The following SRI variants were observed in gnomAD, a reference collection of about 807,000 sequenced individuals.
SRI encodes 22 kDa protein.
In SRI, 30 loss-of-function variants were observed where a neutral mutation model predicts 33.3. That is an observed-to-expected ratio of 0.90 (90% CI 0.67 to 1.22). The LOEUF is 1.22. SRI is among the 50% of genes most tolerant of loss of function. The pLI is 0.00. For missense variants in SRI, 243 were observed against 250.8 expected (o/e 0.97, Z 0.21); for synonymous variants, 75 against 89.9 (o/e 0.83, Z 0.94).
Position 88,205,448 on chromosome 7 carries a change from A to T in SRI, c.*1030T>A, listed in dbSNP as rs1851420113. On this transcript the variant is annotated 3_prime_UTR_variant, in exon 8 of 8. Transcript: ENST00000265729. ...ACCAAACCACATAGTAAGAGGCACA[A>T]GCCAGCATTAGAATTCAGATCTTAC... 1 of 152,234 alleles carries T rather than the reference A, an allele frequency of 6.6e-6. No individual in the cohort carries two copies. The highest frequency in any genetic ancestry group is 1.9e-4 in the East Asian group (1 of 5,200). The allele number at this position is 152,234 out of a possible 1,614,324, so 9.4% of individuals were successfully genotyped here.
upstream of SRI, among the ~76,000 whole-genome samples, chr7:88,224,953 G>C (rs76354035): frequency 0.15 from 22,611 of 152,268 alleles, 1,925 homozygotes; most frequent in Non-Finnish European, 0.2. Flanking sequence ...TGGAATAGCT[G>C]TGTGGCTAGT....
chr7:88,215,061 T>A, intron 3 of SRI: 1 of 399,220 alleles, frequency 2.5e-6, no homozygotes, highest in Non-Finnish European at 5.0e-6. Context: ...GCCCATAGGC[T>A]CTGAGCTGGA....
chr7:88,219,873 A>G (rs1264631294), intron 1 of SRI, 103 bp downstream of exon 1: 5 of 1,390,700 alleles, frequency 3.6e-6, no homozygotes, highest in South Asian at 2.6e-5. Context: ...GAGCCCGGGT[A>G]GCCGCCCAGC....
At chr7:88,224,280 G>A (rs750054273), upstream of SRI, among the ~76,000 whole-genome samples, 7 of 152,210 alleles carry the variant, frequency 4.6e-5, no homozygotes, top group Non-Finnish European at 1.0e-4. Flanking sequence ...CTGGAGAAAA[G>A]TTAATATAAA....
At chr7:88,212,450 T>C (rs73397630) in intron 3 of SRI, among the ~76,000 whole-genome samples, 7,210 of 152,298 alleles carry the variant, frequency 0.047, 593 homozygotes, top group African/African-American at 0.16. Flanking sequence ...TGTGCTTATC[T>C]GAATCAAAGC....
chr7:88,215,443 T>C (rs1036060776), intron 3 of SRI, among the ~76,000 whole-genome samples: 6 of 152,230 alleles, frequency 3.9e-5, no homozygotes, highest in African/African-American at 1.4e-4. Flanking sequence ...CTCACTGCAC[T>C]TTGATAAACC....
At chr7:88,219,537 G>GTTT (rs529955240) in intron 1 of SRI, 97 of 185,684 alleles carry the variant, frequency 5.2e-4, no homozygotes, top group African/African-American at 2.4e-3. Context: ...CTTCTCACTC[G>GTTT]TTTTTTGTTT....
chr7:88,222,306 A>G (rs936399773), upstream of SRI, among the ~76,000 whole-genome samples: 1 of 148,372 alleles, frequency 6.7e-6, no homozygotes, highest in Admixed American at 6.7e-5. Flanking sequence ...TCCCACCAAC[A>G]GTGTAAAAGT....
chr7:88,226,929 TTA>T, exon 1 of SRI: 1 of 1,613,714 alleles, frequency 6.2e-7, no homozygotes, highest in South Asian at 1.1e-5. Flanking sequence ...AGTTGAAGTC[TTA>T]TAGGTAGAAG....
intron 4 of SRI, 94 bp from the exon 5 acceptor site, chr7:88,210,224 C>T (rs781464511): frequency 3.0e-4 from 406 of 1,348,508 alleles, no homozygotes; most frequent in Non-Finnish European, 4.2e-4. Context: ...TATTCAATGG[C>T]TAAAAAAGTT....
At chr7:88,223,133 G>A (rs1444145854), upstream of SRI, among the ~76,000 whole-genome samples, 1 of 152,144 alleles carries the variant, frequency 6.6e-6, no homozygotes, top group Admixed American at 6.5e-5. Context: ...ATGGAGTGTT[G>A]CAAATTCAAT....
At chr7:88,222,360 A>G (rs1272290697), upstream of SRI, among the ~76,000 whole-genome samples, 2 of 143,562 alleles carry the variant, frequency 1.4e-5, no homozygotes, top group Non-Finnish European at 3.0e-5. Context: ...TTGTTTCCTG[A>G]CTTTTTAATG....
In SRI at chr7:88,218,874, A is replaced by C. The variant is rs934629233; in HGVS notation, c.120T>G (p.Ala40=). 1 of 1,614,040 alleles carries C rather than the reference A, an allele frequency of 6.2e-7. No individual in the cohort carries two copies. The highest frequency in any genetic ancestry group is 8.5e-7 in the Non-Finnish European group (1 of 1,180,012). The change falls in exon 2 of 8, where the codon GCT becomes GCG. Residue 40 remains alanine (A), a synonymous_variant. Transcript: ENST00000265729. ...QTQDPLYGYF[A]AVAGQDGQID... is the part of the protein sequence containing the mutation. ...AAAAGCTAACCTGTCCAGCTACAGC[A>C]GCAAAGTAACCATACAGCGGATCCT...
chr7:88,219,204 A>ATTT lies in SRI; in HGVS notation c.52-263_52-262insAAA, dbSNP rs1851815670. 2.0e-4 allele frequency: 95 copies of ATTT among 463,420 alleles called. 1 individual carries two copies. The highest frequency in any genetic ancestry group is 1.9e-3 in the South Asian group (93 of 48,556). 28.7% of individuals were successfully genotyped at this position (463,420 alleles called of 1,614,324 possible). ...ATGTAAAGCAACTTTTAAAATCCCTATTAACCTGAAGGTTACTGAGGTGAG... is the reference window on the plus strand; with the variant it reads ...ATGTAAAGCAACTTTTAAAATCCCTATTTTTAACCTGAAGGTTACTGAGGTGAG... On this transcript the variant is annotated intron_variant, in intron 1 of 7. Coordinates refer to ENST00000265729, the MANE Select transcript of SRI (RefSeq NM_003130.4).
At position 88,217,142 on chromosome 7, in the gene SRI, C is replaced by A. The variant is rs956290289; in HGVS notation, c.185G>T (p.Gly62Val). 1 of 1,613,448 alleles carries A rather than the reference C, an allele frequency of 6.2e-7. No homozygotes were observed. Among genetic ancestry groups the A allele is most frequent in the African/African-American group, 1.3e-5 (1 of 75,020 alleles). ...DELQRCLTQS[G>V]IAGGYKPFNL... Reference sequence around the variant, plus strand: ...CTTACGTTTGTATCCTCCAGCAATGCCAGACTGTGTCAGACATCTCTGCAA... The same window carrying A: ...CTTACGTTTGTATCCTCCAGCAATGACAGACTGTGTCAGACATCTCTGCAA... Residue 62 changes from glycine (G) to valine (V), a missense_variant, in exon 3 of 8, where the codon GGC becomes GTC. Gly to Val is a moderately radical substitution (Grantham distance 109). Transcript: ENST00000265729.
intron 3 of SRI, chr7:88,215,024 T>C: frequency 2.2e-6 from 1 of 450,416 alleles, no homozygotes; most frequent in Admixed American, 2.4e-5. Flanking sequence ...TAGGTATGAC[T>C]GCTTCCTTTT....
chr7:88,217,291 T>C, intron 2 of SRI, 100 bp from the exon 3 acceptor site: 2 of 1,014,802 alleles, frequency 2.0e-6, no homozygotes, highest in South Asian at 1.4e-5. Context: ...AAAATCAGTA[T>C]CTTTTTTTTA....
intron 2 of SRI, 131 bp from the exon 3 acceptor site, chr7:88,217,322 T>A (rs566302069): frequency 1.3e-6 from 1 of 772,156 alleles, no homozygotes; most frequent in Admixed American, 2.4e-5. Context: ...ATGCCTTTTT[T>A]TTATTAAAAG....
At chr7:88,215,535 G>A (rs1299997152) in intron 3 of SRI, among the ~76,000 whole-genome samples, 1 of 152,174 alleles carries the variant, frequency 6.6e-6, no homozygotes, top group African/African-American at 2.4e-5. Context: ...ACACAGTAAA[G>A]AATAACATCC....
Sources: allele counts gnomAD v4.1 joint callset (sites outside exome capture counted in the v4.1 genomes callset), GRCh38; gene constraint gnomAD v4.1.1; transcripts MANE v1.5; gene names NCBI Gene and HGNC (gene_info 2026-07-23, HGNC 2026-07-21).